Variants in FAM110B observed in about 807,000 individuals in gnomAD.
FAM110B encodes the protein family with sequence similarity 110 member B.
Under a neutral mutation model 20.4 loss-of-function variants are expected in FAM110B, and 6 were observed. The observed-to-expected ratio is 0.29, with a 90% CI of 0.16 to 0.58. The LOEUF (loss-of-function observed/expected upper bound fraction) is 0.58, where lower values mean the gene tolerates loss of function less well. FAM110B is among the 20% of genes least tolerant of loss of function. FAM110B has a pLI of 0.90. For synonymous variants in FAM110B, 226 were observed against 214.1 expected, an observed-to-expected ratio of 1.06 and a Z score of -0.49; for missense variants, 434 against 498.2, an observed-to-expected ratio of 0.87 and a Z score of 1.23.
intron 1 of FAM110B, among the ~76,000 whole-genome samples, chr8:58,000,797 A>G (rs1332449427): frequency 6.6e-6 from 1 of 152,210 alleles, no homozygotes. Flanking sequence ...TGGGAGGTTC[A>G]TTGTACAGTT....
chr8:58,031,915 C>G (rs1804970155), intron 2 of FAM110B, among the ~76,000 whole-genome samples: 1 of 152,140 alleles, frequency 6.6e-6, no homozygotes, highest in East Asian at 1.9e-4. Flanking sequence ...TTTGTGGACT[C>G]TGCCCTGTGC....
chr8:58,032,007 T>G (rs2150573158), intron 2 of FAM110B, among the ~76,000 whole-genome samples: 1 of 152,326 alleles, frequency 6.6e-6, no homozygotes, highest in East Asian at 1.9e-4. Context: ...AAACCATCCT[T>G]GTAGAACTGG....
intron 2 of FAM110B, among the ~76,000 whole-genome samples, chr8:58,042,751 A>G (rs1805245939): frequency 6.6e-6 from 1 of 152,236 alleles, no homozygotes. Flanking sequence ...TCTACTATCT[A>G]AAACTGTAAT....
intron 1 of FAM110B, among the ~76,000 whole-genome samples, chr8:58,016,374 G>C (rs1009112485): frequency 6.6e-6 from 1 of 152,156 alleles, no homozygotes; most frequent in African/African-American, 2.4e-5. Flanking sequence ...TGGGCCTCCC[G>C]GGAGGTTATT....
At chr8:58,063,374 G>A (rs1805695155) in intron 2 of FAM110B, among the ~76,000 whole-genome samples, 1 of 152,270 alleles carries the variant, frequency 6.6e-6, no homozygotes, top group East Asian at 1.9e-4. Flanking sequence ...TGATGCTGTA[G>A]CATTTGCCTC....
intron 1 of FAM110B, among the ~76,000 whole-genome samples, chr8:58,027,553 G>GA (rs1203232562): frequency 1.3e-5 from 2 of 152,010 alleles, no homozygotes; most frequent in African/African-American, 4.8e-5. Context: ...TCTTGAAATA[G>GA]AACATCTCCA....
intron 2 of FAM110B, among the ~76,000 whole-genome samples, chr8:58,057,636 T>C (rs1431549518): frequency 6.6e-6 from 1 of 152,190 alleles, no homozygotes; most frequent in Non-Finnish European, 1.5e-5. Context: ...GAAATAGTCA[T>C]GTGGCTTCAT....
At chr8:58,082,206 G>GAAAATAA (rs1182737491) in intron 3 of FAM110B, among the ~76,000 whole-genome samples, 2 of 152,112 alleles carry the variant, frequency 1.3e-5, no homozygotes, top group Non-Finnish European at 2.9e-5. Flanking sequence ...AAGCCTTTGT[G>GAAAATAA]AAAATAAAAA....
intron 2 of FAM110B, among the ~76,000 whole-genome samples, chr8:58,073,783 G>A (rs1805963244): frequency 6.6e-6 from 1 of 152,190 alleles, no homozygotes; most frequent in African/African-American, 2.4e-5. Flanking sequence ...GCTCATTAAA[G>A]ACAAGCTTGT....
intron 1 of FAM110B, among the ~76,000 whole-genome samples, chr8:58,007,816 A>C (rs546004995): frequency 2.6e-5 from 4 of 152,308 alleles, no homozygotes; most frequent in Non-Finnish European, 5.9e-5. Context: ...GAATTTTGTT[A>C]TAGAAGCCCC....
At chr8:58,128,779 A>G (rs1271966129) in intron 3 of FAM110B, among the ~76,000 whole-genome samples, 3 of 152,164 alleles carry the variant, frequency 2.0e-5, no homozygotes, top group Non-Finnish European at 4.4e-5. Context: ...AAAATGAGAA[A>G]TTGCATTTTG....
At chr8:58,053,885 G>A (rs758288468) in intron 2 of FAM110B, among the ~76,000 whole-genome samples, 2 of 152,162 alleles carry the variant, frequency 1.3e-5, no homozygotes, top group Admixed American at 6.5e-5. Flanking sequence ...ATTTAACGTA[G>A]GTTACTTGAG....
chr8:58,148,229 T>A lies in FAM110B; in HGVS notation c.*886T>A, dbSNP rs995171902. ...TTCATGCTATTTCTTTCTCTCTCCC[T>A]TTGTTGTTATTTGATTTGGGGGAAG... On this transcript the variant is annotated 3_prime_UTR_variant, in exon 4 of 4. Transcript: ENST00000519262. 6 of 151,516 alleles carry A rather than the reference T, an allele frequency of 4.0e-5. No individual in the cohort carries two copies. Among genetic ancestry groups the A allele is most frequent in the Non-Finnish European group, 4.6e-5 (3 of 64,646 alleles). 9.4% of individuals were successfully genotyped at this position (151,516 alleles called of 1,614,324 possible). A position where few individuals can be genotyped will look rare whatever the true frequency, so the allele number is the denominator to read the frequency against.
At chr8:58,026,296 C>G (rs1804854558) in intron 1 of FAM110B, among the ~76,000 whole-genome samples, 1 of 151,610 alleles carries the variant, frequency 6.6e-6, no homozygotes, top group Admixed American at 6.6e-5. Flanking sequence ...CATTACTTAC[C>G]TTTTTTGGAT....
chr8:58,036,134 T>C (rs1805070283), intron 2 of FAM110B, among the ~76,000 whole-genome samples: 1 of 152,202 alleles, frequency 6.6e-6, no homozygotes, highest in Non-Finnish European at 1.5e-5. Flanking sequence ...TCTTTCAGAA[T>C]CATGGTGCCA....
At chr8:58,079,135 T>G (rs908618499) in intron 3 of FAM110B, among the ~76,000 whole-genome samples, 36 of 152,136 alleles carry the variant, frequency 2.4e-4, no homozygotes, top group African/African-American at 8.7e-4. Context: ...AGAGATCAGA[T>G]TCCAGCAGTA....
chr8:58,069,516 C>G (rs191077921), intron 2 of FAM110B, among the ~76,000 whole-genome samples: 1 of 152,126 alleles, frequency 6.6e-6, no homozygotes, highest in East Asian at 1.9e-4. Flanking sequence ...GTAGTTTGGC[C>G]GTTCAGTTGT....
intron 2 of FAM110B, among the ~76,000 whole-genome samples, chr8:58,052,934 C>T (rs34267358): frequency 0.052 from 7,667 of 147,806 alleles, 312 homozygotes; most frequent in African/African-American, 0.1. Context: ...TACAGGCGCC[C>T]GCTACCACGC....
chr8:58,124,040 C>G (rs777696322), intron 3 of FAM110B, among the ~76,000 whole-genome samples: 3 of 152,206 alleles, frequency 2.0e-5, no homozygotes, highest in Non-Finnish European at 2.9e-5. Flanking sequence ...CTACTTTACC[C>G]TGTTTCCCTT....
Sources: allele counts gnomAD v4.1 joint callset (sites outside exome capture counted in the v4.1 genomes callset), GRCh38; gene constraint gnomAD v4.1.1; transcripts MANE v1.5; gene names NCBI Gene and HGNC (gene_info 2026-07-23, HGNC 2026-07-21).